ROBO2: variants seen among roughly 807,000 people sequenced by gnomAD.
ROBO2 encodes the protein roundabout guidance receptor 2.
Under a neutral mutation model 160.8 loss-of-function variants are expected in ROBO2, and 53 were observed. The ratio of observed to expected loss-of-function variants is 0.33; its 90% CI spans 0.26 to 0.41. The LOEUF is 0.41. ROBO2 is among the 10% of genes least tolerant of loss of function. The pLI is 1.00. For missense variants in ROBO2, 1,577 were observed against 1,722.4 expected, an observed-to-expected ratio of 0.92 and a Z score of 1.49; for synonymous variants, 664 against 611.7, an observed-to-expected ratio of 1.09 and a Z score of -1.26.
chr3:76,274,145 G>C (rs1460396455), intron 2 of ROBO2, among the ~76,000 whole-genome samples: 1 of 152,196 alleles, frequency 6.6e-6, no homozygotes, highest in Non-Finnish European at 1.5e-5. Context: ...TTTTGGATGG[G>C]ATAAACATTC....
At chr3:76,342,493 A>G (rs1362942591) in intron 2 of ROBO2, among the ~76,000 whole-genome samples, 2 of 151,496 alleles carry the variant, frequency 1.3e-5, no homozygotes, top group African/African-American at 4.8e-5. Context: ...TAGGGAACCC[A>G]ACTTTTTTAT....
chr3:77,277,177 T>A (rs1159000338), intron 2 of ROBO2, among the ~76,000 whole-genome samples: 1 of 102,420 alleles, frequency 9.8e-6, no homozygotes, highest in Non-Finnish European at 2.0e-5. Flanking sequence ...TCTTTCTTTC[T>A]TTCTTTCTTT....
At chr3:76,119,844 T>TTCTC (rs150288728) in intron 2 of ROBO2, among the ~76,000 whole-genome samples, 3 of 147,976 alleles carry the variant, frequency 2.0e-5, no homozygotes, top group Non-Finnish European at 3.0e-5. Context: ...TTGCTTTCCT[T>TTCTC]TCTCTCTCTC....
chr3:75,937,271 G>A (rs1947825336), intron 1 of ROBO2, among the ~76,000 whole-genome samples: 1 of 152,046 alleles, frequency 6.6e-6, no homozygotes, highest in Non-Finnish European at 1.5e-5. Context: ...TCAGATGAAT[G>A]CTTAGAATAA....
intron 2 of ROBO2, among the ~76,000 whole-genome samples, chr3:77,216,273 T>G (rs1181781565): frequency 6.6e-6 from 1 of 152,122 alleles, no homozygotes; most frequent in Non-Finnish European, 1.5e-5. Context: ...GCCTCGGCAA[T>G]GGCGGGCGCC....
At chr3:76,073,389 T>C (rs2068534949) in intron 2 of ROBO2, among the ~76,000 whole-genome samples, 1 of 144,730 alleles carries the variant, frequency 6.9e-6, no homozygotes. Flanking sequence ...CCCTCCTGGG[T>C]TCCCGCCATT....
intron 2 of ROBO2, among the ~76,000 whole-genome samples, chr3:75,965,851 T>C (rs1415439515): frequency 9.2e-5 from 14 of 151,662 alleles, no homozygotes; most frequent in Non-Finnish European, 3.0e-5. Context: ...TCATGAAATA[T>C]ACAGTAACAA....
intron 2 of ROBO2, among the ~76,000 whole-genome samples, chr3:77,450,533 A>G (rs1424023822): frequency 2.0e-5 from 3 of 152,100 alleles, no homozygotes; most frequent in Admixed American, 6.6e-5. Context: ...TAGATACCCA[A>G]GAATGGTAAT....
At chr3:76,469,156 C>CATTTGAATA (rs1259204594) in intron 2 of ROBO2, among the ~76,000 whole-genome samples, 1 of 151,966 alleles carries the variant, frequency 6.6e-6, no homozygotes, top group East Asian at 1.9e-4. Flanking sequence ...TTTCATATTA[C>CATTTGAATA]CTCAAAATGT....
chr3:77,519,960 A>G (rs2090427431), intron 5 of ROBO2, among the ~76,000 whole-genome samples: 2 of 151,276 alleles, frequency 1.3e-5, no homozygotes, highest in African/African-American at 4.8e-5. Flanking sequence ...TTGACTTTTT[A>G]ATAGTAACCA....
Position 76,216,486 on chromosome 3 carries a change from C to A in ROBO2, c.109+278884C>A, listed in dbSNP as rs180750388. Reference sequence around the variant, plus strand: ...GAAGATCTACCAAGCAAATGGAAAACAGAAAAAGACATGGGTTGCAATCCT... The same window carrying A: ...GAAGATCTACCAAGCAAATGGAAAAAAGAAAAAGACATGGGTTGCAATCCT... On this transcript the variant is annotated intron_variant, in intron 2 of 26. Transcript: ENST00000487694. Among the ~76,000 whole-genome samples, 349 of 152,116 alleles carry A rather than the reference C, an allele frequency of 2.3e-3. 1 individual carries two copies. The highest frequency in any genetic ancestry group is 8.2e-3 in the African/African-American group (339 of 41,510).
intron 2 of ROBO2, among the ~76,000 whole-genome samples, chr3:76,670,333 T>TC (rs397877612): frequency 1.3e-4 from 19 of 151,600 alleles, no homozygotes; most frequent in East Asian, 3.9e-4. Flanking sequence ...TTTTTTTTTT[T>TC]CATAGTAGTT....
intron 2 of ROBO2, among the ~76,000 whole-genome samples, chr3:76,310,088 C>T (rs2071506904): frequency 6.6e-6 from 1 of 151,978 alleles, no homozygotes; most frequent in African/African-American, 2.4e-5. Context: ...TCCCAAAGTG[C>T]TGGAATTACA....
chr3:76,156,791 A>G (rs535372458), intron 2 of ROBO2, among the ~76,000 whole-genome samples: 7 of 152,168 alleles, frequency 4.6e-5, no homozygotes, highest in Non-Finnish European at 1.0e-4. Context: ...ACATGGTGAA[A>G]CCTCATCTCT....
chr3:76,944,070 T>A (rs1481210081), intron 2 of ROBO2, among the ~76,000 whole-genome samples: 1 of 152,178 alleles, frequency 6.6e-6, no homozygotes, highest in Non-Finnish European at 1.5e-5. Context: ...AAACACTTAG[T>A]CTTAAAGTTT....
At chr3:77,236,601 T>C (rs1385755066) in intron 2 of ROBO2, among the ~76,000 whole-genome samples, 1 of 152,220 alleles carries the variant, frequency 6.6e-6, no homozygotes, top group African/African-American at 2.4e-5. Context: ...AGGCATTCTA[T>C]GGACTTGGAT....
chr3:77,368,717 T>G (rs2071307243), intron 2 of ROBO2, among the ~76,000 whole-genome samples: 1 of 152,218 alleles, frequency 6.6e-6, no homozygotes, highest in Non-Finnish European at 1.5e-5. Flanking sequence ...TTCTGTATCT[T>G]TTGTGATATT....
chr3:76,023,401 T>A (rs1023127413), intron 2 of ROBO2, among the ~76,000 whole-genome samples: 2 of 151,706 alleles, frequency 1.3e-5, no homozygotes, highest in East Asian at 1.9e-4. Flanking sequence ...GAGAGATGTA[T>A]GATGCTTTTC....
chr3:75,988,771 A>G (rs769234636), intron 2 of ROBO2, among the ~76,000 whole-genome samples: 13 of 151,888 alleles, frequency 8.6e-5, no homozygotes, highest in Non-Finnish European at 1.5e-4. Flanking sequence ...TTAATTTTCA[A>G]AAACTGAAAT....
Sources: allele counts gnomAD v4.1 joint callset (sites outside exome capture counted in the v4.1 genomes callset), GRCh38; gene constraint gnomAD v4.1.1; transcripts MANE v1.5; gene names NCBI Gene and HGNC (gene_info 2026-07-23, HGNC 2026-07-21).